The following FTO variants were observed in gnomAD, a reference collection of about 807,000 sequenced individuals.
FTO encodes the protein alpha-ketoglutarate-dependent dioxygenase FTO.
A neutral mutation model predicts 63.9 loss-of-function variants in FTO; 47 were observed. The observed-to-expected ratio is 0.74, with a 90% CI of 0.58 to 0.94. The LOEUF (loss-of-function observed/expected upper bound fraction) is 0.94. FTO is among the 40% of genes least tolerant of loss of function. The pLI is 0.00. For missense variants in FTO, 562 were observed against 618.1 expected, an observed-to-expected ratio of 0.91 and a Z score of 0.96; for synonymous variants, 207 against 224.4, an observed-to-expected ratio of 0.92 and a Z score of 0.69.
intron 8 of FTO, among the ~76,000 whole-genome samples, chr16:53,944,336 A>G (rs994948821): frequency 3.3e-5 from 5 of 152,236 alleles, no homozygotes; most frequent in Non-Finnish European, 5.9e-5. Context: ...GACTCTCATT[A>G]TGTGCCCAGC....
At chr16:53,885,029 A>T (rs1344715269) in intron 6 of FTO, among the ~76,000 whole-genome samples, 2 of 152,170 alleles carry the variant, frequency 1.3e-5, no homozygotes, top group African/African-American at 4.8e-5. Flanking sequence ...TGGAGAAGGG[A>T]GGAAGACCCA....
chr16:53,819,365 T>C (rs1449667306), intron 2 of FTO, among the ~76,000 whole-genome samples: 1 of 152,088 alleles, frequency 6.6e-6, no homozygotes, highest in African/African-American at 2.4e-5. Flanking sequence ...AGAGAGGGGA[T>C]TTCACCTTGT....
chr16:53,976,521 C>G (rs2083441703), intron 8 of FTO, among the ~76,000 whole-genome samples: 1 of 152,044 alleles, frequency 6.6e-6, no homozygotes, highest in Non-Finnish European at 1.5e-5. Context: ...TTCCCTCCTC[C>G]ATTTTCTTTT....
At chr16:53,971,686 T>C (rs1326692882) in intron 8 of FTO, among the ~76,000 whole-genome samples, 1 of 152,240 alleles carries the variant, frequency 6.6e-6, no homozygotes, top group Non-Finnish European at 1.5e-5. Context: ...GGGGACCCCC[T>C]GTCTCAGCAG....
intron 8 of FTO, among the ~76,000 whole-genome samples, chr16:53,983,632 TG>T (rs2083598967): frequency 6.6e-6 from 1 of 151,996 alleles, no homozygotes; most frequent in Non-Finnish European, 1.5e-5. Context: ...ACATCAGATA[TG>T]GTAAGCTCAG....
At chr16:53,711,196 C>T (rs978108434) in intron 1 of FTO, among the ~76,000 whole-genome samples, 1 of 152,010 alleles carries the variant, frequency 6.6e-6, no homozygotes, top group African/African-American at 2.4e-5. Flanking sequence ...GATCCCAGGA[C>T]GTTTATTCTG....
In FTO at chr16:54,116,756, AC is replaced by A. The variant is rs2086977430; in HGVS notation, c.*4844del. 6.6e-6 allele frequency: 1 copy of A among 152,094 alleles called. No individual in the cohort carries two copies. Among genetic ancestry groups the A allele is most frequent in the South Asian group, 2.1e-4 (1 of 4,802 alleles). The allele number at this position is 152,094 out of a possible 1,614,324, so 9.4% of individuals were successfully genotyped here. A position where few individuals can be genotyped will look rare whatever the true frequency, so the allele number is the denominator to read the frequency against. Reference sequence around the variant, plus strand: ...CCTGGTTCTCTCGCTCACCTGAGACACCCGATAGATTCCTGGAAACTCCAGG... The same window carrying A: ...CCTGGTTCTCTCGCTCACCTGAGACACCGATAGATTCCTGGAAACTCCAGG... On this transcript the variant is annotated 3_prime_UTR_variant, in exon 9 of 9. Transcript: ENST00000471389.
intron 1 of FTO, among the ~76,000 whole-genome samples, chr16:53,782,003 T>G (rs2077600583): frequency 6.6e-6 from 1 of 152,160 alleles, no homozygotes; most frequent in Non-Finnish European, 1.5e-5. Flanking sequence ...TAAAGTGTCT[T>G]ATGTAGTAGT....
intron 1 of FTO, among the ~76,000 whole-genome samples, chr16:53,708,387 T>G (rs897647924): frequency 6.6e-6 from 1 of 151,840 alleles, no homozygotes; most frequent in Admixed American, 6.6e-5. Context: ...AGAATTCCAG[T>G]GTCAGGATAT....
chr16:53,874,182 A>T (rs115529666), intron 5 of FTO, among the ~76,000 whole-genome samples: 1 of 152,188 alleles, frequency 6.6e-6, no homozygotes, highest in Admixed American at 6.5e-5. Flanking sequence ...AGGGCAGGAG[A>T]TGACCAGAAG....
chr16:53,775,346 G>A (rs985889381), intron 1 of FTO, among the ~76,000 whole-genome samples: 2 of 152,058 alleles, frequency 1.3e-5, no homozygotes, highest in East Asian at 3.9e-4. Context: ...TGAGATTTCA[G>A]ATCCACCTGC....
At chr16:53,776,044 G>A (rs1324101475) in intron 1 of FTO, among the ~76,000 whole-genome samples, 2 of 152,106 alleles carry the variant, frequency 1.3e-5, no homozygotes, top group Non-Finnish European at 2.9e-5. Flanking sequence ...CAATCTGGGG[G>A]CTGAAGCGGT....
At chr16:54,030,624 C>A (rs1288394702) in intron 8 of FTO, among the ~76,000 whole-genome samples, 2 of 151,560 alleles carry the variant, frequency 1.3e-5, no homozygotes, top group African/African-American at 4.9e-5. Flanking sequence ...TAGTCAAAAC[C>A]AGACCAACCA....
intron 8 of FTO, among the ~76,000 whole-genome samples, chr16:54,110,138 A>G (rs964307208): frequency 4.6e-5 from 7 of 152,206 alleles, no homozygotes; most frequent in African/African-American, 1.4e-4. Flanking sequence ...CACCCTCAGA[A>G]CAACGACAGC....
At chr16:54,013,963 T>A (rs933607136) in intron 8 of FTO, among the ~76,000 whole-genome samples, 3 of 152,180 alleles carry the variant, frequency 2.0e-5, no homozygotes, top group East Asian at 3.9e-4. Context: ...CATTTGAAAG[T>A]CATGAGTAAG....
chr16:54,010,058 G>A (rs1225521563), intron 8 of FTO, among the ~76,000 whole-genome samples: 3 of 152,188 alleles, frequency 2.0e-5, no homozygotes, highest in Non-Finnish European at 4.4e-5. Flanking sequence ...GCCATCCCAT[G>A]AAGCCTCAGT....
At chr16:53,854,549 G>T (rs1357261364) in intron 4 of FTO, among the ~76,000 whole-genome samples, 1 of 151,936 alleles carries the variant, frequency 6.6e-6, no homozygotes, top group Non-Finnish European at 1.5e-5. Flanking sequence ...TGAATAGGGT[G>T]TCCCTTTTCC....
chr16:54,021,006 G>A (rs2084585891), intron 8 of FTO, among the ~76,000 whole-genome samples: 1 of 152,042 alleles, frequency 6.6e-6, no homozygotes, highest in East Asian at 1.9e-4. Context: ...CTAGGTTATG[G>A]CACCAAGAAT....
intron 2 of FTO, among the ~76,000 whole-genome samples, chr16:53,817,909 G>T (rs2078743547): frequency 6.6e-6 from 1 of 152,024 alleles, no homozygotes; most frequent in Admixed American, 6.6e-5. Context: ...GATCATTTGT[G>T]AATCTCAAGA....
Sources: gnomAD v4.1 joint callset for allele counts (sites outside exome capture counted in the v4.1 genomes callset) on GRCh38, gnomAD v4.1.1 for gene constraint, MANE v1.5 for transcripts, NCBI Gene and HGNC (gene_info 2026-07-23, HGNC 2026-07-21) for gene names.